The following TBC1D4 variants were observed in gnomAD, a reference collection of about 807,000 sequenced individuals.
TBC1D4 encodes the protein TBC (Tre-2, BUB2, CDC16) domain-containing protein.
Under a neutral mutation model 142.5 loss-of-function variants are expected in TBC1D4, and 121 were observed. The ratio of observed to expected loss-of-function variants is 0.85; its 90% confidence interval spans 0.73 to 0.99. TBC1D4 has a LOEUF of 0.99. Among genes scored for constraint, TBC1D4 ranks in the 50% least tolerant of loss-of-function variants. The pLI is 0.00. For synonymous variants in TBC1D4, 630 were observed against 628.2 expected, an observed-to-expected ratio of 1.00 and a Z score of -0.04; for missense variants, 1,475 against 1,606.6, an observed-to-expected ratio of 0.92 and a Z score of 1.40.
intron 1 of TBC1D4, among the ~76,000 whole-genome samples, chr13:75,404,126 A>G (rs1269394873): frequency 6.6e-6 from 1 of 151,782 alleles, no homozygotes; most frequent in East Asian, 1.9e-4. Context: ...GAATCAAAGC[A>G]TATTCATTCT....
intron 1 of TBC1D4, among the ~76,000 whole-genome samples, chr13:75,475,293 A>C (rs1888588978): frequency 6.6e-6 from 1 of 152,256 alleles, no homozygotes; most frequent in African/African-American, 2.4e-5. Flanking sequence ...TTGGTCAAAT[A>C]AGTCTGAATA....
chr13:75,456,967 T>C (rs1449784394), intron 1 of TBC1D4, among the ~76,000 whole-genome samples: 1 of 152,088 alleles, frequency 6.6e-6, no homozygotes, highest in Non-Finnish European at 1.5e-5. Context: ...AAGTTTCTGC[T>C]GTATGCAACA....
chr13:75,343,704 C>T (rs543486563), intron 5 of TBC1D4, among the ~76,000 whole-genome samples: 9 of 152,186 alleles, frequency 5.9e-5, no homozygotes, highest in African/African-American at 1.7e-4. Flanking sequence ...TTAGTAAAGA[C>T]GGTGTTTCTC....
intron 15 of TBC1D4, among the ~76,000 whole-genome samples, chr13:75,305,243 C>T (rs1289607635): frequency 6.6e-6 from 1 of 152,174 alleles, no homozygotes; most frequent in African/African-American, 2.4e-5. Flanking sequence ...TCCATAAAAC[C>T]TCTTTTTCTT....
At chr13:75,358,086 T>C (rs1882198145) in intron 3 of TBC1D4, among the ~76,000 whole-genome samples, 7 of 152,142 alleles carry the variant, frequency 4.6e-5, no homozygotes, top group Admixed American at 4.6e-4. Context: ...GGCACAGCTT[T>C]TGAGGATGCC....
chr13:75,306,646 G>A (rs140884591), intron 14 of TBC1D4, among the ~76,000 whole-genome samples, 175 bp from the exon 15 acceptor site: 93 of 152,168 alleles, frequency 6.1e-4, no homozygotes, highest in African/African-American at 2.0e-3. Context: ...CAAGCTTTGA[G>A]TCATTTCATG....
chr13:75,430,235 G>A (rs1054136787), intron 1 of TBC1D4, among the ~76,000 whole-genome samples: 2 of 152,192 alleles, frequency 1.3e-5, no homozygotes, highest in Non-Finnish European at 2.9e-5. Flanking sequence ...CTTGATAGAT[G>A]ACAAACATTA....
chr13:75,362,737 G>T lies in TBC1D4; in HGVS notation c.499-130C>A. 1.1e-6 allele frequency: 1 copy of T among 915,678 alleles called. No homozygotes were observed. The allele number at this position is 915,678 out of a possible 1,614,324, so 56.7% of individuals were successfully genotyped here. ...ATATACAAAGTAATAGACACTACACGAGACAGAGCATACACTTACATTATT... is the reference window on the plus strand; with the variant it reads ...ATATACAAAGTAATAGACACTACACTAGACAGAGCATACACTTACATTATT... On this transcript the variant is annotated intron_variant, in intron 1 of 20. Transcript: ENST00000377636. This position sits in a 1 kb window ranked among gnomAD's most constrained non-coding sequence, Gnocchi z 4.2.
At chr13:75,334,635 G>T (rs941873167) in intron 8 of TBC1D4, among the ~76,000 whole-genome samples, 4 of 152,010 alleles carry the variant, frequency 2.6e-5, no homozygotes, top group Non-Finnish European at 5.9e-5. Context: ...CCAGGCTGGA[G>T]TACAGTGGCA....
intron 17 of TBC1D4, among the ~76,000 whole-genome samples, chr13:75,297,213 A>G (rs1876021898): frequency 2.0e-5 from 3 of 152,258 alleles, no homozygotes; most frequent in African/African-American, 7.2e-5. Context: ...AGTCCATATT[A>G]AATGAATGTA....
chr13:75,393,955 T>G (rs1174906642), intron 1 of TBC1D4, among the ~76,000 whole-genome samples: 1 of 150,300 alleles, frequency 6.7e-6, no homozygotes, highest in Non-Finnish European at 1.5e-5. Flanking sequence ...AAAACAAAAC[T>G]AAACTCTTTC....
At chr13:75,472,183 G>A (rs1888438024) in intron 1 of TBC1D4, among the ~76,000 whole-genome samples, 1 of 151,956 alleles carries the variant, frequency 6.6e-6, no homozygotes, top group Non-Finnish European at 1.5e-5. Flanking sequence ...CCAGCATTTT[G>A]GGAGGCTGAA....
At chr13:75,377,013 T>C (rs1341663680) in intron 1 of TBC1D4, among the ~76,000 whole-genome samples, 4 of 152,204 alleles carry the variant, frequency 2.6e-5, no homozygotes, top group African/African-American at 4.8e-5. Flanking sequence ...TTTTAATCAT[T>C]TGGAGCATGT....
chr13:75,450,096 T>G (rs1887471318), intron 1 of TBC1D4, among the ~76,000 whole-genome samples: 1 of 152,126 alleles, frequency 6.6e-6, no homozygotes, highest in Non-Finnish European at 1.5e-5. Context: ...TTCTTGAAAT[T>G]TTGCTTATTT....
At chr13:75,393,031 T>A (rs565178863) in intron 1 of TBC1D4, among the ~76,000 whole-genome samples, 2 of 151,910 alleles carry the variant, frequency 1.3e-5, no homozygotes, top group Non-Finnish European at 2.9e-5. Context: ...CAGTATACCC[T>A]TCCTTATGTA....
intron 1 of TBC1D4, among the ~76,000 whole-genome samples, chr13:75,432,335 C>T (rs1172858833): frequency 6.6e-6 from 1 of 152,164 alleles, no homozygotes; most frequent in African/African-American, 2.4e-5. Context: ...GAGACTATGA[C>T]TAAAAGGTCC....
chr13:75,316,274 T>C (rs1010922087), intron 12 of TBC1D4, among the ~76,000 whole-genome samples: 3 of 152,158 alleles, frequency 2.0e-5, no homozygotes, highest in Non-Finnish European at 4.4e-5. Context: ...GGGCAATATG[T>C]TATAAAAGAG....
chr13:75,326,867 A>G (rs1285671464), intron 9 of TBC1D4, among the ~76,000 whole-genome samples: 1 of 152,186 alleles, frequency 6.6e-6, no homozygotes, highest in Non-Finnish European at 1.5e-5. Context: ...TGACATATCA[A>G]TTGCATGCTT....
intron 11 of TBC1D4, among the ~76,000 whole-genome samples, 191 bp from the exon 12 acceptor site, chr13:75,320,228 A>C (rs929082016): frequency 6.6e-6 from 1 of 152,158 alleles, no homozygotes; most frequent in African/African-American, 2.4e-5. Context: ...AAACTATACC[A>C]CAAAGTACTT....
Sources: allele counts gnomAD v4.1 joint callset (sites outside exome capture counted in the v4.1 genomes callset), GRCh38; gene constraint gnomAD v4.1.1; non-coding constraint Gnocchi (gnomAD v3.1); transcripts MANE v1.5; gene names NCBI Gene and HGNC (gene_info 2026-07-23, HGNC 2026-07-21).